DOCK4: variants seen among roughly 807,000 people sequenced by gnomAD.
DOCK4 encodes dedicator of cytokinesis 4, also known as dedicator of cytokinesis protein 4.
A neutral mutation model predicts 268.1 loss-of-function variants in DOCK4; 97 were observed. That is an observed-to-expected ratio of 0.36 (90% CI 0.31 to 0.43). The LOEUF (loss-of-function observed/expected upper bound fraction) is 0.43. Among genes scored for constraint, DOCK4 ranks in the 20% least tolerant of loss-of-function variants. The pLI, the probability that DOCK4 is intolerant of heterozygous loss-of-function variation, is 1.00. For missense variants in DOCK4, 2,145 were observed against 2,455.7 expected, an observed-to-expected ratio of 0.87 and a Z score of 2.67; for synonymous variants, 954 against 887.2, an observed-to-expected ratio of 1.08 and a Z score of -1.34.
At chr7:112,105,043 A>T (rs561317392) in intron 1 of DOCK4, among the ~76,000 whole-genome samples, 1 of 152,184 alleles carries the variant, frequency 6.6e-6, no homozygotes, top group Non-Finnish European at 1.5e-5. Context: ...GATCATAAAA[A>T]ACAGGAAGAT....
intron 30 of DOCK4, among the ~76,000 whole-genome samples, chr7:111,791,300 C>T (rs1166424004): frequency 6.6e-6 from 1 of 150,942 alleles, no homozygotes; most frequent in Non-Finnish European, 1.5e-5. Flanking sequence ...CACACACACA[C>T]ACACATATAT....
At chr7:112,197,791 C>G (rs1820583740) in intron 1 of DOCK4, among the ~76,000 whole-genome samples, 1 of 152,040 alleles carries the variant, frequency 6.6e-6, no homozygotes. Context: ...GCCTTCACTC[C>G]TAAGCCAAAT....
At chr7:111,791,103 A>T (rs1173534971) in intron 30 of DOCK4, among the ~76,000 whole-genome samples, 5 of 121,144 alleles carry the variant, frequency 4.1e-5, no homozygotes, top group African/African-American at 2.2e-4. Flanking sequence ...TATATATAAA[A>T]TAAATCATCA....
chr7:112,120,511 C>T (rs1812637120), intron 1 of DOCK4, among the ~76,000 whole-genome samples: 2 of 152,082 alleles, frequency 1.3e-5, no homozygotes, highest in South Asian at 4.1e-4. Flanking sequence ...CCCTATGTTC[C>T]TACTAGTCAT....
At position 111,806,373 on chromosome 7, in the gene DOCK4, A is replaced by T. The variant is rs184672026; in HGVS notation, c.3166+2448T>A. ...GGAAGAGAGGCTTTAACATTTCTGA[A>T]TTTTTTCCAATTCTAGCTATTGCAC... is the stretch of plus-strand genomic sequence containing the variant. On this transcript the variant is annotated intron_variant, in intron 30 of 52. Transcript: ENST00000428084. Among the ~76,000 whole-genome samples, 5 of 152,218 alleles carry T rather than the reference A, an allele frequency of 3.3e-5. 1 individual carries two copies. Among genetic ancestry groups the T allele is most frequent in the South Asian group, 4.1e-4 (2 of 4,824 alleles).
intron 35 of DOCK4, among the ~76,000 whole-genome samples, chr7:111,781,313 A>G (rs1798771508): frequency 6.6e-6 from 1 of 152,242 alleles, no homozygotes; most frequent in Admixed American, 6.5e-5. Context: ...CTTTTCTCCC[A>G]ACACTGACAT....
intron 7 of DOCK4, among the ~76,000 whole-genome samples, chr7:111,983,854 G>GTGCGCGCA (rs1798811453): frequency 1.1e-5 from 1 of 87,958 alleles, no homozygotes; most frequent in African/African-American, 3.9e-5. Flanking sequence ...ACGCGCGCGC[G>GTGCGCGCA]CGCGCGCGCA....
intron 1 of DOCK4, among the ~76,000 whole-genome samples, chr7:112,093,879 A>G (rs1406990084): frequency 3.0e-5 from 2 of 65,682 alleles, no homozygotes; most frequent in East Asian, 9.1e-4. Context: ...ACATATAAGG[A>G]AAAAAAAAAA....
intron 26 of DOCK4, among the ~76,000 whole-genome samples, chr7:111,828,378 G>A (rs1244765314): frequency 3.3e-5 from 5 of 152,106 alleles, no homozygotes; most frequent in Non-Finnish European, 5.9e-5. Context: ...GAGGCATCCA[G>A]GCTCTTCAGG....
At chr7:111,794,775 G>T (rs1312254325) in intron 30 of DOCK4, among the ~76,000 whole-genome samples, 11 of 152,182 alleles carry the variant, frequency 7.2e-5, no homozygotes, top group Admixed American at 7.2e-4. Context: ...TAGGCAACTT[G>T]CCCGAAGTCA....
At chr7:112,167,517 T>C (rs1349607640) in intron 1 of DOCK4, among the ~76,000 whole-genome samples, 2 of 152,174 alleles carry the variant, frequency 1.3e-5, no homozygotes, top group South Asian at 2.1e-4. Context: ...TGAAGAACAT[T>C]AGGAATTCCG....
chr7:111,975,742 CTAAGATA>C (rs1379652486), intron 8 of DOCK4, among the ~76,000 whole-genome samples: 1 of 152,090 alleles, frequency 6.6e-6, no homozygotes, highest in East Asian at 1.9e-4. Context: ...TAGATAACGA[CTAAGATA>C]TAAGTTAATT....
At chr7:111,930,633 C>A (rs1794122467) in intron 12 of DOCK4, among the ~76,000 whole-genome samples, 2 of 152,174 alleles carry the variant, frequency 1.3e-5, no homozygotes, top group South Asian at 4.1e-4. Flanking sequence ...GAGAAAACAG[C>A]GGAAGTCAAC....
chr7:111,758,595 G>C, intron 41 of DOCK4, 29 bp downstream of exon 41: 1 of 1,611,414 alleles, frequency 6.2e-7, no homozygotes, highest in Non-Finnish European at 8.5e-7. Context: ...TATCTGAGGA[G>C]TTAGCATGTA....
At chr7:112,146,297 C>T (rs1421238320) in intron 1 of DOCK4, among the ~76,000 whole-genome samples, 1 of 152,086 alleles carries the variant, frequency 6.6e-6, no homozygotes, top group African/African-American at 2.4e-5. Flanking sequence ...CATGGTCATC[C>T]TAGAAGAGGC....
At chr7:111,750,147 A>T (rs1367649976) in intron 42 of DOCK4, among the ~76,000 whole-genome samples, 1 of 152,200 alleles carries the variant, frequency 6.6e-6, no homozygotes, top group Non-Finnish European at 1.5e-5. Flanking sequence ...AAGTGATCCT[A>T]GACCACCTCG....
intron 41 of DOCK4, among the ~76,000 whole-genome samples, chr7:111,756,783 T>A (rs778623211): frequency 4.0e-5 from 6 of 151,768 alleles, no homozygotes; most frequent in Non-Finnish European, 8.8e-5. Context: ...AGAGTTTCTT[T>A]GAGCCAGCCA....
At chr7:111,831,044 T>G (rs1300676775) in intron 26 of DOCK4, among the ~76,000 whole-genome samples, 1 of 152,002 alleles carries the variant, frequency 6.6e-6, no homozygotes, top group Non-Finnish European at 1.5e-5. Context: ...TATTATTCAC[T>G]GGCTGACAGT....
intron 1 of DOCK4, among the ~76,000 whole-genome samples, chr7:112,058,930 G>A (rs570713975): frequency 6.6e-6 from 1 of 152,196 alleles, no homozygotes; most frequent in African/African-American, 2.4e-5. Flanking sequence ...CAAAGCTCTG[G>A]AGGAGAAGCT....
Sources: gnomAD v4.1 joint callset for allele counts (sites outside exome capture counted in the v4.1 genomes callset) on GRCh38, gnomAD v4.1.1 for gene constraint, MANE v1.5 for transcripts, NCBI Gene and HGNC (gene_info 2026-07-23, HGNC 2026-07-21) for gene names.